Variants in RUNX3 observed in about 807,000 individuals in gnomAD.
The protein encoded by RUNX3 is runt-related transcription factor 3.
In RUNX3, 10 loss-of-function variants were observed where a neutral mutation model predicts 27.7. The observed-to-expected ratio is 0.36, with a 90% CI of 0.22 to 0.61. RUNX3 has a LOEUF of 0.61. Ranked by LOEUF, RUNX3 falls within the 20% of genes least tolerant of loss-of-function variation. The pLI is 0.72. For synonymous variants in RUNX3, 270 were observed against 269.2 expected (o/e 1.00, Z -0.03); for missense variants, 469 against 629.5 (o/e 0.75, Z 2.73).
chr1:24,907,250 G>A lies in RUNX3; in HGVS notation c.703+9C>T, dbSNP rs565828023. 5.6e-6 allele frequency: 9 copies of A among 1,607,058 alleles called. No individual in the cohort carries two copies. The highest frequency in any genetic ancestry group is 3.3e-5 in the South Asian group (3 of 90,996). On this transcript the variant is annotated intron_variant, in intron 4 of 4. Transcript: ENST00000308873. ...TCACCCCGCTGCAGCCCCTCCCTCC[G>A]TGCCGTACCTTGGATTGGGGTCTGG...
At position 24,904,376 on chromosome 1, in the gene RUNX3, A is replaced by G. The variant is rs1640621819; in HGVS notation, c.704-1710T>C. On this transcript the variant is annotated intron_variant, in intron 4 of 4. Coordinates refer to ENST00000308873, the MANE Select transcript of RUNX3 (RefSeq NM_004350.3). The surrounding 1 kb of genome is among the most constrained non-coding windows in gnomAD (Gnocchi z 5.7). ...CCTGGGCGTGGATCCGAACGGAGTG[A>G]TGCTCCTGGCTTAAGGTAAGAAGAT... Among the ~76,000 whole-genome samples, 1 of 152,118 alleles carries G rather than the reference A, an allele frequency of 6.6e-6. No individual in the cohort carries two copies. The highest frequency in any genetic ancestry group is 6.5e-5 in the Admixed American group (1 of 15,280).
At position 24,902,357 on chromosome 1, in the gene RUNX3, G is replaced by C. The variant is rs776831878; in HGVS notation, c.1013C>G (p.Ser338Cys). 8.7e-6 allele frequency: 14 copies of C among 1,612,080 alleles called. No individual in the cohort carries two copies. Among genetic ancestry groups the C allele is most frequent in the Non-Finnish European group, 1.2e-5 (14 of 1,179,852 alleles). ...SPYHLYYGTS[S>C]GSYQFSMVAG... is the part of the protein sequence containing the mutation. ...CACCATGGAGAACTGGTAGGAGCCA[G>C]AGGATGTCCCGTAGTAGAGGTGGTA... Residue 338 changes from serine to cysteine, a missense_variant, in exon 5 of 5, where the codon TCT becomes TGT. Transcript: ENST00000308873. This position sits in a 1 kb window ranked among gnomAD's most constrained non-coding sequence, Gnocchi z 9.2.
At chr1:24,922,527 T>G (rs757812522) in intron 2 of RUNX3, among the ~76,000 whole-genome samples, 5 of 152,146 alleles carry the variant, frequency 3.3e-5, no homozygotes, top group Admixed American at 1.3e-4. Flanking sequence ...CACATTACAG[T>G]TGCTGCAGAT....
chr1:24,934,460 C>T (rs1641300520), upstream of RUNX3, among the ~76,000 whole-genome samples: 1 of 152,204 alleles, frequency 6.6e-6, no homozygotes, highest in Non-Finnish European at 1.5e-5. Context: ...GACCCAGATG[C>T]TGCCTGTGCG....
intron 3 of RUNX3, among the ~76,000 whole-genome samples, chr1:24,911,004 C>T (rs946384534): frequency 1.3e-5 from 2 of 152,346 alleles, no homozygotes; most frequent in Middle Eastern, 6.8e-3. Flanking sequence ...CTGAGGAGGG[C>T]AGGCCCAGTA....
chr1:24,956,293 A>G (rs1248027031), intron 2 of RUNX3, among the ~76,000 whole-genome samples: 1 of 152,248 alleles, frequency 6.6e-6, no homozygotes, highest in East Asian at 1.9e-4. Context: ...GAAAACAAAA[A>G]TTGTTTTCCC....
At chr1:24,931,932 G>T (rs746507051), upstream of RUNX3, among the ~76,000 whole-genome samples, 4 of 152,332 alleles carry the variant, frequency 2.6e-5, no homozygotes, top group Middle Eastern at 0.01. Flanking sequence ...GGACGCGCTG[G>T]CACGAGCAGC....
At chr1:24,922,861 T>A (rs1641026469) in intron 2 of RUNX3, among the ~76,000 whole-genome samples, 1 of 150,798 alleles carries the variant, frequency 6.6e-6, no homozygotes, top group South Asian at 2.1e-4. Context: ...CCTTTCTCTA[T>A]TCCCTGCACC....
chr1:24,944,620 T>A (rs565083623), intron 2 of RUNX3, among the ~76,000 whole-genome samples: 1 of 152,156 alleles, frequency 6.6e-6, no homozygotes, highest in Admixed American at 6.5e-5. Flanking sequence ...ACACATGGAA[T>A]AGGGAGGCAG....
At chr1:24,946,321 G>T (rs939641308) in intron 2 of RUNX3, among the ~76,000 whole-genome samples, 1 of 152,082 alleles carries the variant, frequency 6.6e-6, no homozygotes, top group Non-Finnish European at 1.5e-5. Context: ...CCCACTGGGT[G>T]TTCAGCCTTC....
intron 1 of RUNX3, 117 bp downstream of exon 1, chr1:24,929,470 G>T: frequency 9.2e-7 from 1 of 1,081,392 alleles, no homozygotes; most frequent in Non-Finnish European, 1.4e-6. Flanking sequence ...GTGCCCGGGT[G>T]TCGCCGCGGC....
At chr1:24,958,546 C>A (rs1642010827) in intron 2 of RUNX3, among the ~76,000 whole-genome samples, 1 of 152,342 alleles carries the variant, frequency 6.6e-6, no homozygotes, top group Admixed American at 6.5e-5. Context: ...CAGAGTCCCA[C>A]TCCCAGCCCT....
Position 24,943,602 on chromosome 1 carries a change from G to A in RUNX3, c.59-13750C>T, listed in dbSNP as rs553223852. On this transcript the variant is annotated intron_variant, in intron 2 of 6. Coordinates refer to the RUNX3 transcript ENST00000338888. The surrounding 1 kb of genome is among the most constrained non-coding windows in gnomAD (Gnocchi z 4.6). ...AGCCCTGGAACAGTTGGCCAGTGCGGAGAGGACCCCCGAAGATCTCTGAGG... is the reference window on the plus strand; with the variant it reads ...AGCCCTGGAACAGTTGGCCAGTGCGAAGAGGACCCCCGAAGATCTCTGAGG... Among the ~76,000 whole-genome samples, 6 of 152,216 alleles carry A rather than the reference G, an allele frequency of 3.9e-5. No homozygotes were observed. The highest frequency in any genetic ancestry group is 1.4e-4 in the African/African-American group (6 of 41,452).
At chr1:24,920,989 C>G (rs1640987853) in intron 2 of RUNX3, among the ~76,000 whole-genome samples, 1 of 152,138 alleles carries the variant, frequency 6.6e-6, no homozygotes, top group African/African-American at 2.4e-5. Context: ...CTTTATCCCC[C>G]TATCCCTGCC....
At position 24,916,397 on chromosome 1, in the gene RUNX3, C is replaced by G. The variant is rs895817895; in HGVS notation, c.544+2843G>C. Among the ~76,000 whole-genome samples, 4 of 152,186 alleles carry G rather than the reference C, an allele frequency of 2.6e-5. No homozygotes were observed. The highest frequency in any genetic ancestry group is 6.5e-5 in the Admixed American group (1 of 15,282). On this transcript the variant is annotated intron_variant, in intron 3 of 4. Transcript: ENST00000308873. The surrounding 1 kb of genome is among the most constrained non-coding windows in gnomAD (Gnocchi z 4.8). ...AGTGGCCCTCACTTCCCGCAGCCCC[C>G]GGGTCGGAGCCCCCAGGGTGTGCTG...
In RUNX3 at chr1:24,943,488, C is replaced by T. The variant is rs776683556; in HGVS notation, c.59-13636G>A. 6.6e-6 allele frequency among the ~76,000 whole-genome samples: 1 copy of T among 152,218 alleles called. No homozygotes were observed. The highest frequency in any genetic ancestry group is 2.4e-5 in the African/African-American group (1 of 41,462). ...TCCTAAGAGGGGGTTCTGTGATCAT[C>T]CCCACTTACAGTTGGGGAAACTGAG... On this transcript the variant is annotated intron_variant, in intron 2 of 6. Coordinates refer to the RUNX3 transcript ENST00000338888. This position sits in a 1 kb window ranked among gnomAD's most constrained non-coding sequence, Gnocchi z 4.6.
chr1:24,933,335 T>C (rs867983377), upstream of RUNX3, among the ~76,000 whole-genome samples: 1 of 152,224 alleles, frequency 6.6e-6, no homozygotes, highest in Non-Finnish European at 1.5e-5. Flanking sequence ...TGGCCCTTCA[T>C]AGAATTGTGT....
chr1:24,937,081 G>T (rs1023831733), intron 2 of RUNX3, among the ~76,000 whole-genome samples: 1 of 152,242 alleles, frequency 6.6e-6, no homozygotes, highest in South Asian at 2.1e-4. Context: ...GACAGTGGCA[G>T]GGCCAGCGGT....
chr1:24,955,970 G>A (rs573730630), intron 2 of RUNX3, among the ~76,000 whole-genome samples: 10 of 152,358 alleles, frequency 6.6e-5, no homozygotes, highest in Admixed American at 3.3e-4. Context: ...CGCTGGGGAC[G>A]TAGGCCCACC....
Sources: gnomAD v4.1 joint callset for allele counts (sites outside exome capture counted in the v4.1 genomes callset) on GRCh38, gnomAD v4.1.1 for gene constraint, Gnocchi (gnomAD v3.1) non-coding constraint, MANE v1.5 for transcripts, NCBI Gene and HGNC (gene_info 2026-07-23, HGNC 2026-07-21) for gene names.